The following KIAA0319L variants were observed in gnomAD, a reference collection of about 807,000 sequenced individuals.
The protein encoded by KIAA0319L is dyslexia-associated protein KIAA0319-like protein.
In KIAA0319L, 55 loss-of-function variants were observed where a neutral mutation model predicts 120.1. That is an observed-to-expected ratio of 0.46 (90% confidence interval 0.37 to 0.57). The LOEUF (loss-of-function observed/expected upper bound fraction) is 0.57, where lower values mean the gene tolerates loss of function less well. Ranked by LOEUF, KIAA0319L falls within the 20% of genes least tolerant of loss-of-function variation. The pLI is 0.00. For synonymous variants in KIAA0319L, 398 were observed against 471.9 expected (o/e 0.84, Z 2.03); for missense variants, 1,049 against 1,255.3 (o/e 0.84, Z 2.48).
chr1:35,506,245 G>A lies in KIAA0319L; in HGVS notation c.666+367C>T, dbSNP rs150204348. On this transcript the variant is annotated intron_variant, in intron 3 of 20. Coordinates refer to ENST00000325722, the MANE Select transcript of KIAA0319L (RefSeq NM_024874.5). This position sits in a 1 kb window ranked among gnomAD's most constrained non-coding sequence, Gnocchi z 4.0. ...GTGTTTACAGGCGAGAGATGGAGGA[G>A]AACTTGACTGTAACCACATCAATCA... Among the ~76,000 whole-genome samples the A allele has an allele frequency of 4.7e-4, 72 of 152,322 alleles. 2 individuals are homozygous for A. The East Asian group carries it at 0.014, about 29-fold the overall frequency.
chr1:35,441,624 T>A (rs1455700180), intron 19 of KIAA0319L, among the ~76,000 whole-genome samples: 2 of 152,182 alleles, frequency 1.3e-5, no homozygotes, highest in Admixed American at 1.3e-4. Context: ...TAAGTTTTTT[T>A]ATCTGTAAAA....
At chr1:35,513,269 T>C (rs1043515272) in intron 2 of KIAA0319L, among the ~76,000 whole-genome samples, 2 of 54,108 alleles carry the variant, frequency 3.7e-5, no homozygotes, top group Non-Finnish European at 7.7e-5. Flanking sequence ...CTATATAACA[T>C]ATATATATAT....
chr1:35,440,006 T>C (rs1641083531), intron 20 of KIAA0319L: 1 of 152,100 alleles, frequency 6.6e-6, no homozygotes, highest in Non-Finnish European at 1.5e-5. Flanking sequence ...CAGAGTAACA[T>C]GATAAAAACC....
chr1:35,441,033 C>A lies in KIAA0319L; in HGVS notation c.2962+14G>T, dbSNP rs755095859. ...GTGCACAGACCTAGAAGCTCTGGCA[C>A]CCAGGGCCCCTACCTGCTCGGGAGG... is the stretch of plus-strand genomic sequence containing the variant. On this transcript the variant is annotated intron_variant, in intron 20 of 20. Transcript: ENST00000325722. 9 of 1,610,978 alleles carry A rather than the reference C, an allele frequency of 5.6e-6. No individual in the cohort carries two copies. Among genetic ancestry groups the A allele is most frequent in the Middle Eastern group, 3.3e-4 (2 of 6,072 alleles).
intron 5 of KIAA0319L, among the ~76,000 whole-genome samples, chr1:35,471,196 C>T (rs879442087): frequency 3.9e-5 from 6 of 152,180 alleles, no homozygotes; most frequent in Non-Finnish European, 8.8e-5. Context: ...TATTCCTGCC[C>T]TATACCGACC....
Position 35,466,664 on chromosome 1 carries a change from A to G in KIAA0319L, c.1145T>C (p.Ile382Thr). Residue 382 changes from isoleucine to threonine, a missense_variant, in exon 7 of 21, where the codon ATT (isoleucine) becomes ACT (threonine). Physicochemically the swap from Ile to Thr is moderately conservative, Grantham distance 89 (BLOSUM62 -1). Coordinates refer to ENST00000325722, the MANE Select transcript of KIAA0319L (RefSeq NM_024874.5). Reference protein sequence around the residue: ...LTPGLYEFKVIVEGQNAHGEG... With the variant: ...LTPGLYEFKVTVEGQNAHGEG... ...CCCATGGGCATTTTGACCCTCTACA[A>G]TCACTTTGAATTCATACAGGCCTGG... The G allele has an allele frequency of 6.2e-7, 1 of 1,613,540 alleles. No individual in the cohort carries two copies. The highest frequency in any genetic ancestry group is 1.1e-5 in the South Asian group (1 of 91,062).
intron 2 of KIAA0319L, among the ~76,000 whole-genome samples, chr1:35,539,444 C>A (rs1646709468): frequency 6.6e-6 from 1 of 152,172 alleles, no homozygotes; most frequent in African/African-American, 2.4e-5. Flanking sequence ...TTGAAAAGTC[C>A]ATTGTGAGAA....
chr1:35,535,096 TAAAAAAAAAAAAA>T (rs56965473), intron 2 of KIAA0319L, among the ~76,000 whole-genome samples: 3 of 56,330 alleles, frequency 5.3e-5, no homozygotes, highest in Admixed American at 3.2e-4. Flanking sequence ...GACTCCGTCT[TAAAAAAAAAAAAA>T]AAAAAAAAAA....
chr1:35,466,065 T>C (rs530666803), intron 7 of KIAA0319L, among the ~76,000 whole-genome samples: 1 of 152,286 alleles, frequency 6.6e-6, no homozygotes, highest in South Asian at 2.1e-4. Context: ...GCCCATCTTC[T>C]CTTAAATTTC....
chr1:35,481,893 C>T (rs932885898), intron 3 of KIAA0319L, among the ~76,000 whole-genome samples: 3 of 137,134 alleles, frequency 2.2e-5, no homozygotes, highest in South Asian at 2.5e-4. Context: ...GGCGCGATCT[C>T]GGCTCACTGC....
rs146943030 is a variant in KIAA0319L at position 35,450,112 on chromosome 1, C to G, written c.2215-107G>C. ...TAGGCCCTTCAGGGCTGAACTGTTTCAACCTTGGGCAGTTCCTGATACGGA... is the reference window on the plus strand; with the variant it reads ...TAGGCCCTTCAGGGCTGAACTGTTTGAACCTTGGGCAGTTCCTGATACGGA... On this transcript the variant is annotated intron_variant, in intron 14 of 20. Transcript: ENST00000325722. 4,900 of 1,355,966 alleles carry G rather than the reference C, an allele frequency of 3.6e-3. 14 individuals are homozygous for G. The highest frequency in any genetic ancestry group is 4.0e-3 in the Non-Finnish European group (3,818 of 963,630). The allele number at this position is 1,355,966 out of a possible 1,614,324, so 84.0% of individuals were successfully genotyped here.
Position 35,434,083 on chromosome 1 carries a change from C to CT in KIAA0319L, c.*810dup, listed in dbSNP as rs34942826. The CT allele has an allele frequency of 8.2e-3, 949 of 116,028 alleles. 10 individuals carry two copies. The highest frequency in any genetic ancestry group is 9.5e-3 in the Non-Finnish European group (565 of 59,376). 7.2% of individuals were successfully genotyped at this position (116,028 alleles called of 1,614,324 possible). A position where few individuals can be genotyped will look rare whatever the true frequency, so the allele number is the denominator to read the frequency against. On this transcript the variant is annotated 3_prime_UTR_variant, in exon 21 of 21. Coordinates refer to ENST00000325722, the MANE Select transcript of KIAA0319L (RefSeq NM_024874.5). ...GTTAAGGGGGGGCCAGATATCATTTCTTTTTTTTTTTTTTTTTTTTTGACG... is the reference window on the plus strand; with the variant it reads ...GTTAAGGGGGGGCCAGATATCATTTCTTTTTTTTTTTTTTTTTTTTTTGACG...
At chr1:35,455,930 A>G (rs1570660683) in intron 10 of KIAA0319L, 83 bp downstream of exon 10, 5 of 1,041,808 alleles carry the variant, frequency 4.8e-6, no homozygotes, top group Non-Finnish European at 5.7e-6. Context: ...AAGCTTTCTC[A>G]GTTTGTTTGG....
intron 2 of KIAA0319L, among the ~76,000 whole-genome samples, chr1:35,531,253 C>A (rs986928342): frequency 1.3e-5 from 2 of 152,196 alleles, no homozygotes; most frequent in Non-Finnish European, 2.9e-5. Context: ...TGCACTTTGG[C>A]ACCCTTTGTC....
intron 2 of KIAA0319L, 133 bp from the exon 3 acceptor site, chr1:35,507,268 G>T (rs1050323711): frequency 1.3e-6 from 1 of 792,722 alleles, no homozygotes; most frequent in East Asian, 2.7e-5. Context: ...GCCATCTAGT[G>T]AGTGGAACAA....
At chr1:35,462,833 C>T in intron 7 of KIAA0319L, 120 bp from the exon 8 acceptor site, 1 of 748,032 alleles carries the variant, frequency 1.3e-6, no homozygotes, top group Non-Finnish European at 2.2e-6. Context: ...GCCTTTTTGG[C>T]ACCAGGGACC....
chr1:35,507,391 A>C (rs546596737), intron 2 of KIAA0319L, among the ~76,000 whole-genome samples: 2 of 152,288 alleles, frequency 1.3e-5, no homozygotes, highest in African/African-American at 4.8e-5. Context: ...GAGACCTTTT[A>C]CACAGAATGT....
chr1:35,455,200 T>A (rs1363400594), intron 10 of KIAA0319L, among the ~76,000 whole-genome samples: 2 of 152,180 alleles, frequency 1.3e-5, no homozygotes, highest in East Asian at 1.9e-4. Context: ...ATATTGGAAA[T>A]TTTCACATAA....
chr1:35,540,415 C>T (rs1646743636), intron 2 of KIAA0319L, among the ~76,000 whole-genome samples: 1 of 152,218 alleles, frequency 6.6e-6, no homozygotes, highest in South Asian at 2.1e-4. Context: ...AGGGCAGGAG[C>T]ACCCTAATGC....
Sources: gnomAD v4.1 joint callset for allele counts (sites outside exome capture counted in the v4.1 genomes callset) on GRCh38, gnomAD v4.1.1 for gene constraint, Gnocchi (gnomAD v3.1) non-coding constraint, MANE v1.5 for transcripts, NCBI Gene and HGNC (gene_info 2026-07-23, HGNC 2026-07-21) for gene names.